PPARGC1A: variants seen among roughly 807,000 people sequenced by gnomAD.
PPARGC1A encodes the protein PPARG coactivator 1 alpha.
A neutral mutation model predicts 88.7 loss-of-function variants in PPARGC1A; 25 were observed. The ratio of observed to expected loss-of-function variants is 0.28; its 90% CI spans 0.21 to 0.39. The LOEUF is 0.39. Among genes scored for constraint, PPARGC1A ranks in the 10% least tolerant of loss-of-function variants. The pLI is 1.00. For missense variants in PPARGC1A, 880 were observed against 968.7 expected (o/e 0.91, Z 1.22); for synonymous variants, 363 against 355.6 (o/e 1.02, Z -0.24).
chr4:24,218,579 A>C, the PPARGC1A span, among the ~76,000 whole-genome samples: 1 of 152,256 alleles, frequency 6.6e-6, no homozygotes, highest in Non-Finnish European at 1.5e-5. Flanking sequence ...AAGGCATTCA[A>C]ATGTTGCTTA....
At chr4:23,890,724 C>T (rs1487922983), upstream of PPARGC1A, among the ~76,000 whole-genome samples, 17 of 151,144 alleles carry the variant, frequency 1.1e-4, no homozygotes, top group Admixed American at 1.1e-3. Context: ...GGAATACCAG[C>T]TCCCGAAGAG....
chr4:24,239,027 C>T, the PPARGC1A span, among the ~76,000 whole-genome samples: 4 of 152,254 alleles, frequency 2.6e-5, no homozygotes, highest in South Asian at 4.1e-4. Context: ...TTTGCTACCA[C>T]AGCACATATA....
the PPARGC1A span, among the ~76,000 whole-genome samples, chr4:24,040,056 T>G: frequency 6.6e-6 from 1 of 152,332 alleles, no homozygotes; most frequent in South Asian, 2.1e-4. Flanking sequence ...ATATACAGTA[T>G]GCTTCTCCAG....
At chr4:24,455,048 T>A in the PPARGC1A span, among the ~76,000 whole-genome samples, 1 of 152,070 alleles carries the variant, frequency 6.6e-6, no homozygotes, top group Non-Finnish European at 1.5e-5. Flanking sequence ...CAAAGGAAAT[T>A]CTCAACAGAG....
chr4:24,351,724 TA>T, the PPARGC1A span, among the ~76,000 whole-genome samples: 1 of 151,966 alleles, frequency 6.6e-6, no homozygotes, highest in Non-Finnish European at 1.5e-5. Flanking sequence ...AAGGAAAAAA[TA>T]AAAAGCCGTC....
At chr4:24,106,695 C>T in the PPARGC1A span, among the ~76,000 whole-genome samples, 1 of 152,222 alleles carries the variant, frequency 6.6e-6, no homozygotes, top group African/African-American at 2.4e-5. Context: ...TGAATCTCAG[C>T]TGCCTTGTCC....
At chr4:24,407,326 G>A in the PPARGC1A span, among the ~76,000 whole-genome samples, 3 of 152,246 alleles carry the variant, frequency 2.0e-5, no homozygotes, top group East Asian at 1.9e-4. Context: ...CCAGTGTCTG[G>A]GTAAAACAAG....
chr4:24,387,862 G>A, the PPARGC1A span, among the ~76,000 whole-genome samples: 39 of 116,082 alleles, frequency 3.4e-4, no homozygotes, highest in East Asian at 3.0e-3. Flanking sequence ...GAGAGAAAGA[G>A]AGAAAGGAAG....
At chr4:24,198,853 G>A in the PPARGC1A span, among the ~76,000 whole-genome samples, 3 of 152,192 alleles carry the variant, frequency 2.0e-5, no homozygotes, top group African/African-American at 4.8e-5. Flanking sequence ...GGCTGGTCCT[G>A]AAGAGCAGCA....
At chr4:24,329,469 C>G in the PPARGC1A span, among the ~76,000 whole-genome samples, 3 of 152,114 alleles carry the variant, frequency 2.0e-5, no homozygotes, top group Non-Finnish European at 4.4e-5. Context: ...CAATGGCCAC[C>G]ACTCTGGTTT....
chr4:24,161,702 G>A, the PPARGC1A span, among the ~76,000 whole-genome samples: 3 of 152,154 alleles, frequency 2.0e-5, no homozygotes, highest in African/African-American at 7.2e-5. Flanking sequence ...AGTTCAGAGA[G>A]GTTCCGATGG....
At chr4:24,042,034 C>T in the PPARGC1A span, among the ~76,000 whole-genome samples, 1 of 152,114 alleles carries the variant, frequency 6.6e-6, no homozygotes, top group South Asian at 2.1e-4. Context: ...ATCACATATA[C>T]ACTCAGAATG....
chr4:23,870,015 T>G (rs1487429245), intron 2 of PPARGC1A, among the ~76,000 whole-genome samples: 1 of 152,246 alleles, frequency 6.6e-6, no homozygotes, highest in African/African-American at 2.4e-5. Flanking sequence ...ATCTAACAGA[T>G]TATAAAATGA....
the PPARGC1A span, among the ~76,000 whole-genome samples, chr4:24,142,263 T>C: frequency 6.6e-6 from 1 of 152,020 alleles, no homozygotes; most frequent in East Asian, 1.9e-4. Context: ...TTTTAGGAAG[T>C]AGAGATGAAA....
At chr4:24,210,868 AG>A in the PPARGC1A span, among the ~76,000 whole-genome samples, 1 of 152,190 alleles carries the variant, frequency 6.6e-6, no homozygotes, top group African/African-American at 2.4e-5. Flanking sequence ...TCCCAGTGGG[AG>A]CCTAGGAGAT....
At chr4:24,300,324 ATTTTTTTTTTTTTTTTTTTTTTTTT>A in the PPARGC1A span, among the ~76,000 whole-genome samples, 28 of 45,028 alleles carry the variant, frequency 6.2e-4, no homozygotes, top group East Asian at 2.1e-3. Context: ...ATACAATAGC[ATTTTTTTTTTTTTTTTTTTTTTTTT>A]TTTTTTTTTT....
chr4:23,984,377 C>A, the PPARGC1A span, among the ~76,000 whole-genome samples: 2 of 152,130 alleles, frequency 1.3e-5, no homozygotes, highest in South Asian at 2.1e-4. Context: ...CTCCCAACCC[C>A]ATCTCATCAG....
At chr4:24,288,192 T>C in the PPARGC1A span, among the ~76,000 whole-genome samples, 70,568 of 151,978 alleles carry the variant, frequency 0.46, 16,984 homozygotes, top group East Asian at 0.63. Context: ...CCAACAACCC[T>C]GGTTTTCATT....
At chr4:24,407,419 T>C in the PPARGC1A span, among the ~76,000 whole-genome samples, 1 of 152,136 alleles carries the variant, frequency 6.6e-6, no homozygotes. Context: ...CACTACACAA[T>C]GAATAATGCA....
Sources: allele counts gnomAD v4.1 joint callset (sites outside exome capture counted in the v4.1 genomes callset), GRCh38; gene constraint gnomAD v4.1.1; transcripts MANE v1.5; gene names NCBI Gene and HGNC (gene_info 2026-07-23, HGNC 2026-07-21).